The following ASAP1 variants were observed in gnomAD, a reference collection of about 807,000 sequenced individuals.
ASAP1 encodes the protein arf-GAP with SH3 domain, ANK repeat and PH domain-containing protein 1.
Under a neutral mutation model 145.2 loss-of-function variants are expected in ASAP1, and 43 were observed. The observed-to-expected ratio is 0.30, with a 90% CI of 0.23 to 0.38. ASAP1 has a LOEUF of 0.38. Ranked by LOEUF, ASAP1 falls within the 10% of genes least tolerant of loss-of-function variation. The probability of loss-of-function intolerance (pLI) is 1.00; values close to 1 mark genes in which losing one functional copy is unlikely to be tolerated. For synonymous variants in ASAP1, 546 were observed against 515.5 expected (o/e 1.06, Z -0.80); for missense variants, 1,018 against 1,355.3 (o/e 0.75, Z 3.91).
chr8:130,369,320 T>C (rs1827106908), intron 2 of ASAP1, among the ~76,000 whole-genome samples: 1 of 152,202 alleles, frequency 6.6e-6, no homozygotes, highest in Admixed American at 6.5e-5. Flanking sequence ...GGTAATCTTA[T>C]ACTATATTTT....
chr8:130,114,104 C>G (rs940143619), intron 23 of ASAP1, among the ~76,000 whole-genome samples: 1 of 152,152 alleles, frequency 6.6e-6, no homozygotes, highest in African/African-American at 2.4e-5. Flanking sequence ...TAAAGATGAT[C>G]TGAGATAACG....
chr8:130,414,793 T>C (rs945966345), intron 1 of ASAP1, among the ~76,000 whole-genome samples: 1 of 151,758 alleles, frequency 6.6e-6, no homozygotes, highest in Non-Finnish European at 1.5e-5. Context: ...GGTCTTCCTC[T>C]GTTGCCCAGA....
intron 3 of ASAP1, among the ~76,000 whole-genome samples, chr8:130,250,113 C>T (rs1586682687): frequency 6.6e-6 from 1 of 151,964 alleles, no homozygotes; most frequent in East Asian, 1.9e-4. Flanking sequence ...AAAAGATAGG[C>T]CATAGTGTCA....
rs537396717 is a variant in ASAP1 at position 130,213,991 on chromosome 8, T to G, written c.405+565A>C. Among the ~76,000 whole-genome samples the G allele has an allele frequency of 7.2e-5, 11 of 152,324 alleles. No homozygotes were observed. The South Asian group carries it at 2.1e-3, about 29-fold the overall frequency. On this transcript the variant is annotated intron_variant, in intron 5 of 29. Transcript: ENST00000518721. ...GTCTCAGATCGTTAGGGATTCTTCC[T>G]GTCATTTACTTTGGAAACCAGAGAT... is the stretch of plus-strand genomic sequence containing the variant.
chr8:130,243,715 G>A (rs1030430502), intron 3 of ASAP1, among the ~76,000 whole-genome samples: 3 of 152,058 alleles, frequency 2.0e-5, no homozygotes, highest in African/African-American at 7.2e-5. Context: ...AAATCTAAAC[G>A]GGCCTAGCTT....
intron 4 of ASAP1, among the ~76,000 whole-genome samples, chr8:130,222,595 T>C (rs1817357495): frequency 6.6e-6 from 1 of 152,140 alleles, no homozygotes; most frequent in African/African-American, 2.4e-5. Flanking sequence ...CTATTCAGAA[T>C]CCACTATGTG....
intron 27 of ASAP1, among the ~76,000 whole-genome samples, chr8:130,071,448 A>G (rs2097446416): frequency 6.6e-6 from 1 of 152,200 alleles, no homozygotes; most frequent in African/African-American, 2.4e-5. Context: ...TTCTGCATCT[A>G]TGTAGCCTCA....
chr8:130,245,205 C>T (rs1395598854), intron 3 of ASAP1, among the ~76,000 whole-genome samples: 2 of 152,128 alleles, frequency 1.3e-5, no homozygotes, highest in Non-Finnish European at 2.9e-5. Flanking sequence ...ATTTGATTTG[C>T]ATAACACAGC....
chr8:130,336,972 T>C (rs552467210), intron 3 of ASAP1, among the ~76,000 whole-genome samples: 1 of 152,330 alleles, frequency 6.6e-6, no homozygotes, highest in South Asian at 2.1e-4. Flanking sequence ...AAAATAGTTT[T>C]GATCTCTCAG....
At chr8:130,341,886 T>C (rs185389145) in intron 3 of ASAP1, among the ~76,000 whole-genome samples, 37 of 152,320 alleles carry the variant, frequency 2.4e-4, no homozygotes, top group Admixed American at 1.4e-3. Flanking sequence ...TAGGAGACTC[T>C]TGGCATTGTT....
chr8:130,076,273 G>T, intron 27 of ASAP1, 75 bp downstream of exon 27: 1 of 1,054,936 alleles, frequency 9.5e-7, no homozygotes, highest in Non-Finnish European at 1.4e-6. Flanking sequence ...GAACAAGGGA[G>T]ATAAAAACCT....
Position 130,091,979 on chromosome 8 carries a change from G to A in ASAP1, c.2566C>T (p.Pro856Ser), listed in dbSNP as rs767799253. 1 of 1,554,574 alleles carries A rather than the reference G, an allele frequency of 6.4e-7. No individual in the cohort carries two copies. Among genetic ancestry groups the A allele is most frequent in the Non-Finnish European group, 8.6e-7 (1 of 1,156,802 alleles). The change falls in exon 25 of 30, where the codon CCT becomes TCT. Residue 856 changes from proline (P) to serine (S), a missense_variant. This residue lies in a region of ASAP1 where 353 missense variants were observed against 375.4 expected (regional missense o/e 0.94). Coordinates refer to ENST00000518721, the MANE Select transcript of ASAP1 (RefSeq NM_018482.4). ...TGACTTTAGGATAACTTACCCCAAG[G>A]AACTGCGCCTTTGTTTGGGGGCCCA... is the stretch of plus-strand genomic sequence containing the variant. ...PHGPPNKGAVPWGNDGGPSSS... is the reference protein window; with the variant it reads ...PHGPPNKGAVSWGNDGGPSSS...
In ASAP1 at chr8:130,060,881, G is replaced by A; in HGVS notation, c.2890C>T (p.Pro964Ser). 1 of 1,613,854 alleles carries A rather than the reference G, an allele frequency of 6.2e-7. No homozygotes were observed. The highest frequency in any genetic ancestry group is 8.5e-7 in the Non-Finnish European group (1 of 1,179,864). Residue 964 changes from proline to serine, a missense_variant, in exon 28 of 30, where the codon CCC (proline) becomes TCC (serine). Transcript: ENST00000518721. Reference sequence around the variant, plus strand: ...GGCAGGTCCCCCAGCTGTGGTTTGGGGGGCAGTTCTCCTGGCTTAGGCGGC... The same window carrying A: ...GGCAGGTCCCCCAGCTGTGGTTTGGAGGGCAGTTCTCCTGGCTTAGGCGGC... ...DLPPKPGELPPKPQLGDLPPK... is the reference protein window; with the variant it reads ...DLPPKPGELPSKPQLGDLPPK...
intron 20 of ASAP1, among the ~76,000 whole-genome samples, chr8:130,117,941 G>T (rs1161094477): frequency 1.3e-5 from 2 of 152,190 alleles, no homozygotes; most frequent in Non-Finnish European, 2.9e-5. Flanking sequence ...AGCCACACTT[G>T]CTTGTTTACA....
chr8:130,171,828 C>G (rs1813616236), intron 9 of ASAP1, among the ~76,000 whole-genome samples: 1 of 152,206 alleles, frequency 6.6e-6, no homozygotes, highest in Middle Eastern at 3.2e-3. Context: ...AACCTGAAAC[C>G]AGCATCCTCT....
chr8:130,261,818 C>T (rs188875792), intron 3 of ASAP1, among the ~76,000 whole-genome samples: 1 of 152,130 alleles, frequency 6.6e-6, no homozygotes, highest in Admixed American at 6.5e-5. Context: ...GGATTATAGT[C>T]AAGGGATCTC....
chr8:130,336,414 A>G (rs954687101), intron 3 of ASAP1, among the ~76,000 whole-genome samples: 2 of 152,242 alleles, frequency 1.3e-5, no homozygotes, highest in Non-Finnish European at 2.9e-5. Context: ...CCAAATTAGA[A>G]TCAGCACATA....
intron 1 of ASAP1, among the ~76,000 whole-genome samples, chr8:130,402,307 C>CGACA (rs1192101809): frequency 2.6e-5 from 4 of 152,136 alleles, no homozygotes; most frequent in East Asian, 1.9e-4. Context: ...CTGATGGATG[C>CGACA]GACAGACAGA....
intron 3 of ASAP1, among the ~76,000 whole-genome samples, chr8:130,354,265 C>T (rs1826173512): frequency 6.6e-6 from 1 of 152,088 alleles, no homozygotes; most frequent in Non-Finnish European, 1.5e-5. Flanking sequence ...TCTCTCTGGG[C>T]CTCAATTTCC....
Sources: gnomAD v4.1 joint callset for allele counts (sites outside exome capture counted in the v4.1 genomes callset) on GRCh38, gnomAD v4.1.1 for gene constraint, gnomAD v4.1.1 regional missense constraint, MANE v1.5 for transcripts, NCBI Gene and HGNC (gene_info 2026-07-23, HGNC 2026-07-21) for gene names.